Variants in CNTN5 observed in about 807,000 individuals in gnomAD.
CNTN5 encodes the protein contactin-5.
Under a neutral mutation model 129.1 loss-of-function variants are expected in CNTN5, and 77 were observed. That is an observed-to-expected ratio of 0.60 (90% CI 0.50 to 0.72). CNTN5 has a LOEUF of 0.72. Among genes scored for constraint, CNTN5 ranks in the 30% least tolerant of loss-of-function variants. The pLI is 0.00. For synonymous variants in CNTN5, 509 were observed against 465.6 expected, an observed-to-expected ratio of 1.09 and a Z score of -1.20; for missense variants, 1,478 against 1,328.8, an observed-to-expected ratio of 1.11 and a Z score of -1.75.
intron 6 of CNTN5, among the ~76,000 whole-genome samples, chr11:99,864,362 C>T (rs1393549222): frequency 6.6e-6 from 1 of 152,060 alleles, no homozygotes; most frequent in Non-Finnish European, 1.5e-5. Flanking sequence ...TCTCTGCTAT[C>T]GTCCTGCCAC....
chr11:99,533,434 G>T (rs1402278058), intron 2 of CNTN5, among the ~76,000 whole-genome samples: 1 of 152,220 alleles, frequency 6.6e-6, no homozygotes, highest in Non-Finnish European at 1.5e-5. Flanking sequence ...ATTGGTCAAT[G>T]TAAATACCAC....
intron 1 of CNTN5, among the ~76,000 whole-genome samples, chr11:99,231,617 ATAGTT>A (rs1861003455): frequency 1.3e-5 from 2 of 152,038 alleles, no homozygotes; most frequent in South Asian, 4.2e-4. Context: ...CACTCTGATG[ATAGTT>A]TAATTTCCTG....
chr11:99,551,927 A>G (rs112005872), intron 2 of CNTN5, among the ~76,000 whole-genome samples: 2,687 of 140,774 alleles, frequency 0.019, 89 homozygotes, highest in African/African-American at 0.067. Flanking sequence ...TTTTTTTTTG[A>G]GACAGAGTCT....
chr11:99,963,616 G>A (rs1022150910), intron 8 of CNTN5, among the ~76,000 whole-genome samples: 2 of 152,078 alleles, frequency 1.3e-5, no homozygotes, highest in Non-Finnish European at 2.9e-5. Flanking sequence ...TGTTCTTTTG[G>A]CTTAGGATTG....
In CNTN5 at chr11:99,637,010, CAAAAAAAA is replaced by C. The variant is rs869133131; in HGVS notation, c.55+80765_55+80772del. Among the ~76,000 whole-genome samples, 39 of 7,820 alleles carry C rather than the reference CAAAAAAAA, an allele frequency of 5.0e-3. 1 individual carries two copies. The highest frequency in any genetic ancestry group is 0.041 in the East Asian group (11 of 268). 5.1% of individuals were successfully genotyped at this position (7,820 alleles called of 152,430 possible). A position where few individuals can be genotyped will look rare whatever the true frequency, so the allele number is the denominator to read the frequency against. On this transcript the variant is annotated intron_variant, in intron 3 of 24. Transcript: ENST00000524871. ...CCTGGTGACAGAGCTAACTTTGTCT[CAAAAAAAA>C]AAAAAAAAAAAAAAAAAAAAAAAGT...
chr11:99,052,463 C>T (rs1864465967), intron 1 of CNTN5, among the ~76,000 whole-genome samples: 1 of 151,852 alleles, frequency 6.6e-6, no homozygotes, highest in Non-Finnish European at 1.5e-5. Flanking sequence ...GGTACAGTAA[C>T]ATGCTGTTCA....
At chr11:99,983,453 T>G (rs1186688168) in intron 8 of CNTN5, among the ~76,000 whole-genome samples, 2 of 152,214 alleles carry the variant, frequency 1.3e-5, no homozygotes, top group African/African-American at 4.8e-5. Flanking sequence ...ACTAGGGGAT[T>G]CAAATTTTGC....
intron 1 of CNTN5, among the ~76,000 whole-genome samples, chr11:99,045,200 G>A (rs1864159119): frequency 1.3e-5 from 2 of 152,144 alleles, no homozygotes; most frequent in South Asian, 2.1e-4. Flanking sequence ...TAATCCCAGA[G>A]TGATACTTCC....
chr11:99,743,931 A>G (rs1943963543), intron 3 of CNTN5, among the ~76,000 whole-genome samples: 1 of 152,216 alleles, frequency 6.6e-6, no homozygotes, highest in Admixed American at 6.5e-5. Context: ...GAAGCAGTAA[A>G]TGTTGAATAG....
intron 3 of CNTN5, among the ~76,000 whole-genome samples, chr11:99,729,174 C>G (rs1943446582): frequency 6.6e-6 from 1 of 152,058 alleles, no homozygotes; most frequent in Non-Finnish European, 1.5e-5. Flanking sequence ...GTATAACATT[C>G]ACGTGGGTAT....
In CNTN5 at chr11:100,061,325, G is replaced by T; in HGVS notation, c.1094G>T (p.Gly365Val). Residue 365 changes from glycine (G) to valine (V), a missense_variant, in exon 10 of 25, where the codon GGC becomes GTC. Physicochemically the swap from Gly to Val is moderately radical, Grantham distance 109. Transcript: ENST00000524871. ...CCGAATGTACAGCTGGATGATGCAG[G>T]CATTTATGAGTGCAGAGCTGAAAAC... is the stretch of plus-strand genomic sequence containing the variant. Reference protein sequence around the residue: ...EIPNVQLDDAGIYECRAENSR... With the variant: ...EIPNVQLDDAVIYECRAENSR... 1.2e-6 allele frequency: 2 copies of T among 1,613,202 alleles called. No individual in the cohort carries two copies. Among genetic ancestry groups the T allele is most frequent in the Non-Finnish European group, 1.7e-6 (2 of 1,179,288 alleles).
At chr11:99,527,207 T>C (rs1356174636) in intron 2 of CNTN5, among the ~76,000 whole-genome samples, 2 of 152,232 alleles carry the variant, frequency 1.3e-5, no homozygotes, top group African/African-American at 4.8e-5. Flanking sequence ...TTATGACTAC[T>C]TTGCCCTGAG....
At chr11:99,469,257 A>T (rs1260400557) in intron 2 of CNTN5, among the ~76,000 whole-genome samples, 1 of 152,158 alleles carries the variant, frequency 6.6e-6, no homozygotes, top group Non-Finnish European at 1.5e-5. Flanking sequence ...AATTTGACAT[A>T]TTCCCAATTA....
At chr11:100,333,412 A>G (rs1591521859) in intron 21 of CNTN5, among the ~76,000 whole-genome samples, 3 of 119,050 alleles carry the variant, frequency 2.5e-5, no homozygotes, top group Non-Finnish European at 5.5e-5. Context: ...GAATTAGAAA[A>G]AAAAAAAAAA....
At chr11:99,782,167 T>C (rs1418467627) in intron 3 of CNTN5, among the ~76,000 whole-genome samples, 2 of 150,070 alleles carry the variant, frequency 1.3e-5, no homozygotes, top group African/African-American at 5.0e-5. Flanking sequence ...ATCACAAGCA[T>C]TCTTATACAC....
chr11:99,982,547 A>C (rs981649448), intron 8 of CNTN5, among the ~76,000 whole-genome samples: 1 of 152,222 alleles, frequency 6.6e-6, no homozygotes, highest in Non-Finnish European at 1.5e-5. Flanking sequence ...ATGAAATCAC[A>C]GTTTGCTCTT....
At chr11:100,155,830 C>T (rs1947223241) in intron 13 of CNTN5, among the ~76,000 whole-genome samples, 1 of 151,986 alleles carries the variant, frequency 6.6e-6, no homozygotes. Flanking sequence ...TATAAGAATG[C>T]TTGTGATTTT....
intron 3 of CNTN5, among the ~76,000 whole-genome samples, chr11:99,734,134 A>G (rs1943623435): frequency 6.6e-6 from 1 of 152,172 alleles, no homozygotes; most frequent in Admixed American, 6.5e-5. Context: ...GTATACATTT[A>G]TGGGGTACGT....
At chr11:100,032,129 C>A (rs1313433305) in intron 9 of CNTN5, among the ~76,000 whole-genome samples, 1 of 152,126 alleles carries the variant, frequency 6.6e-6, no homozygotes, top group East Asian at 1.9e-4. Flanking sequence ...AACCCAGGGG[C>A]TGCAGGTGAG....
Sources: allele counts gnomAD v4.1 joint callset (sites outside exome capture counted in the v4.1 genomes callset), GRCh38; gene constraint gnomAD v4.1.1; transcripts MANE v1.5; gene names NCBI Gene and HGNC (gene_info 2026-07-23, HGNC 2026-07-21).